Variants in CLCN5 observed in about 807,000 individuals in gnomAD.
CLCN5 encodes the protein Cl-/H+ antiporter 5.
Under a neutral mutation model 54.0 loss-of-function variants are expected in CLCN5, and 17 were observed. The ratio of observed to expected loss-of-function variants is 0.31; its 90% confidence interval spans 0.22 to 0.47. The LOEUF (loss-of-function observed/expected upper bound fraction) is 0.47, where lower values mean the gene tolerates loss of function less well. Ranked by LOEUF, CLCN5 falls within the 20% of genes least tolerant of loss-of-function variation. The pLI, the probability that CLCN5 is intolerant of heterozygous loss-of-function variation, is 1.00. For synonymous variants in CLCN5, 222 were observed against 233.0 expected (o/e 0.95, Z 0.43); for missense variants, 448 against 646.7 (o/e 0.69, Z 3.33).
At chrX:50,037,162 A>G (rs1225195343) in intron 3 of CLCN5, among the ~76,000 whole-genome samples, 1 of 112,201 alleles carries the variant, frequency 8.9e-6, no homozygotes, top group Non-Finnish European at 1.9e-5. Context: ...AAGTAGCAAT[A>G]AAAGTGTCTA....
chrX:50,084,769 CT>C (rs2147590927), intron 9 of CLCN5, among the ~76,000 whole-genome samples: 1 of 111,886 alleles, frequency 8.9e-6, no homozygotes, highest in East Asian at 2.8e-4. Flanking sequence ...CAGCGGCAAC[CT>C]TTTTTGTCTT....
intron 6 of CLCN5, among the ~76,000 whole-genome samples, chrX:50,074,381 G>A (rs1933329890): frequency 9.0e-6 from 1 of 111,340 alleles, no homozygotes; most frequent in Admixed American, 9.5e-5. Context: ...CTGACTCTGG[G>A]GAGGAGGAGA....
At chrX:49,988,939 C>T (rs1292763057) in intron 3 of CLCN5, among the ~76,000 whole-genome samples, 1 of 110,899 alleles carries the variant, frequency 9.0e-6, no homozygotes, top group African/African-American at 3.3e-5. Flanking sequence ...CTTGGAATGC[C>T]CTGTCTTTTT....
At chrX:50,035,421 A>T (rs1931947507) in intron 3 of CLCN5, among the ~76,000 whole-genome samples, 1 of 111,395 alleles carries the variant, frequency 9.0e-6, no homozygotes. Flanking sequence ...TTGAACACCT[A>T]CTCTGAGACA....
intron 3 of CLCN5, among the ~76,000 whole-genome samples, chrX:50,001,177 G>C (rs1468374009): frequency 2.7e-5 from 3 of 110,510 alleles, no homozygotes; most frequent in Non-Finnish European, 3.8e-5. Flanking sequence ...TTGTATACTA[G>C]ATTTCAACCC....
intron 3 of CLCN5, among the ~76,000 whole-genome samples, chrX:50,032,703 G>T (rs1419515612): frequency 5.5e-5 from 6 of 109,816 alleles, no homozygotes; most frequent in African/African-American, 2.1e-4. Flanking sequence ...TTCTTTTGCT[G>T]TGCGGAAGCT....
At chrX:50,056,001 A>G (rs1456789619) in intron 4 of CLCN5, among the ~76,000 whole-genome samples, 1 of 106,779 alleles carries the variant, frequency 9.4e-6, no homozygotes, top group Non-Finnish European at 1.9e-5. Context: ...ATTGGTGTGC[A>G]CAGGTGCAAC....
At chrX:50,014,508 T>C in intron 3 of CLCN5, 2 of 297,117 alleles carry the variant, frequency 6.7e-6, no homozygotes, top group South Asian at 6.4e-5. Flanking sequence ...ATATACACAA[T>C]GCAAGACTCT....
In CLCN5 at chrX:49,964,743, AT is replaced by A. The variant is rs1177537210; in HGVS notation, c.16+39437del. Among the ~76,000 whole-genome samples the A allele has an allele frequency of 2.0e-4, 22 of 110,525 alleles. No homozygotes were observed. The East Asian group carries it at 3.4e-3, about 17-fold the overall frequency. On this transcript the variant is annotated intron_variant, in intron 3 of 14. Transcript: ENST00000376091. Reference sequence around the variant, plus strand: ...TTATGACAAATTCTGAATTCTATTTATTTTTTTTATATATTATTTTAAGCTA... The same window carrying A: ...TTATGACAAATTCTGAATTCTATTTATTTTTTTATATATTATTTTAAGCTA...
intron 3 of CLCN5, among the ~76,000 whole-genome samples, chrX:49,951,321 T>C (rs1927034355): frequency 8.9e-6 from 1 of 111,914 alleles, no homozygotes; most frequent in Non-Finnish European, 1.9e-5. Context: ...TGGATTAAAG[T>C]TTGCTGTTGT....
chrX:50,015,365 A>G (rs1419427231), intron 3 of CLCN5, among the ~76,000 whole-genome samples: 1 of 109,455 alleles, frequency 9.1e-6, no homozygotes, highest in Non-Finnish European at 1.9e-5. Flanking sequence ...ATCTTCCAGG[A>G]CATCCTGAGT....
chrX:49,926,052 G>T (rs1925325108), intron 3 of CLCN5, among the ~76,000 whole-genome samples: 1 of 112,118 alleles, frequency 8.9e-6, no homozygotes, highest in South Asian at 3.7e-4. Flanking sequence ...ACCAAAATTG[G>T]CCTGTGACCC....
chrX:50,003,576 A>G (rs1929996344), intron 3 of CLCN5: 2 of 366,521 alleles, frequency 5.5e-6, no homozygotes, highest in African/African-American at 2.6e-5. Context: ...CAGGGTTTGC[A>G]GGATGGCGAG....
At chrX:50,001,283 A>G (rs1929791736) in intron 3 of CLCN5, among the ~76,000 whole-genome samples, 1 of 111,072 alleles carries the variant, frequency 9.0e-6, no homozygotes, top group African/African-American at 3.3e-5. Context: ...TTGTACCAAT[A>G]TCTAGATGTG....
At chrX:50,035,326 G>T (rs1299423862) in intron 3 of CLCN5, among the ~76,000 whole-genome samples, 1 of 111,028 alleles carries the variant, frequency 9.0e-6, no homozygotes, top group Non-Finnish European at 1.9e-5. Context: ...GCAAGGTAAA[G>T]ATTTATTGAG....
chrX:50,073,964 A>G (rs1933315145), intron 6 of CLCN5, among the ~76,000 whole-genome samples: 1 of 111,438 alleles, frequency 9.0e-6, no homozygotes, highest in Non-Finnish European at 1.9e-5. Flanking sequence ...CTTACAGGAG[A>G]GAGAACATGG....
rs1340758440 is a variant in CLCN5 at position 50,022,971 on chromosome X, G to A, written c.17-19345G>A. 4.8e-5 allele frequency among the ~76,000 whole-genome samples: 4 copies of A among 82,562 alleles called. No homozygotes were observed. In the East Asian group the frequency reaches 1.5e-3, roughly 30 times the overall value. The allele number at this position is 82,562 out of a possible 115,157, so 71.7% of individuals were successfully genotyped here. A position where few individuals can be genotyped will look rare whatever the true frequency, so the allele number is the denominator to read the frequency against. On this transcript the variant is annotated intron_variant, in intron 3 of 14. Coordinates refer to ENST00000376091, the MANE Select transcript of CLCN5 (RefSeq NM_001127898.4). ...ATATTCTGTTGATTTGGGGTGGAGA[G>A]TTCTGTAGATGTCTATTAGGTCTGC...
chrX:49,927,474 G>A (rs999722088), intron 3 of CLCN5, among the ~76,000 whole-genome samples: 5 of 111,879 alleles, frequency 4.5e-5, no homozygotes, highest in African/African-American at 9.8e-5. Flanking sequence ...GAAGTAACCA[G>A]CAAAGTACGA....
In CLCN5 at chrX:50,092,799, T is replaced by C. The variant is rs1557195005; in HGVS notation, c.*580T>C. ...TATTAGTTTGTTATGTGTGTATGTT[T>C]ATGTTAATTTTAATTTCTGATTATA... On this transcript the variant is annotated 3_prime_UTR_variant, in exon 15 of 15. Transcript: ENST00000376091. 1 of 114,670 alleles carries C rather than the reference T, an allele frequency of 8.7e-6. No individual in the cohort carries two copies. 9.5% of individuals were successfully genotyped at this position (114,670 alleles called of 1,213,427 possible).
Sources: gnomAD v4.1 joint callset for allele counts (sites outside exome capture counted in the v4.1 genomes callset) on GRCh38, gnomAD v4.1.1 for gene constraint, MANE v1.5 for transcripts, NCBI Gene and HGNC (gene_info 2026-07-23, HGNC 2026-07-21) for gene names.